Variants in MTURN observed in about 807,000 individuals in gnomAD.
MTURN encodes maturin.
Under a neutral mutation model 14.9 loss-of-function variants are expected in MTURN, and 7 were observed. The observed-to-expected ratio is 0.47, with a 90% CI of 0.27 to 0.88. The LOEUF is 0.88. Ranked by LOEUF, MTURN falls within the 40% of genes least tolerant of loss-of-function variation. The probability of loss-of-function intolerance (pLI) is 0.14; values close to 1 mark genes in which losing one functional copy is unlikely to be tolerated. For synonymous variants in MTURN, 69 were observed against 72.5 expected, an observed-to-expected ratio of 0.95 and a Z score of 0.25; for missense variants, 151 against 174.1, an observed-to-expected ratio of 0.87 and a Z score of 0.75.
At chr7:30,157,335 TG>T in intron 2 of MTURN, 102 bp from the exon 3 acceptor site, 1 of 832,996 alleles carries the variant, frequency 1.2e-6, no homozygotes, top group Non-Finnish European at 1.7e-6. Context: ...CTGCAGCTGC[TG>T]GGTTAAGTAC....
rs1489625553 is a variant in MTURN at position 30,161,046 on chromosome 7, A to G, written c.*3498A>G. On this transcript the variant is annotated 3_prime_UTR_variant, in exon 3 of 3. Transcript: ENST00000324453. The stretch of plus-strand genomic sequence containing the variant: ...ACAGAAACCGTCTCTAGCACAATAT[A>G]TTTCTGAATATTGTTTCTGTTTCAT... 1 of 152,510 alleles carries G rather than the reference A, an allele frequency of 6.6e-6. No individual in the cohort carries two copies. Among genetic ancestry groups the G allele is most frequent in the Non-Finnish European group, 1.5e-5 (1 of 68,012 alleles). The allele number at this position is 152,510 out of a possible 1,614,324, so 9.4% of individuals were successfully genotyped here.
rs1336186790 is a variant in MTURN at position 30,160,189 on chromosome 7, C to G, written c.*2641C>G. The G allele has an allele frequency of 6.6e-6, 1 of 152,348 alleles. No individual in the cohort carries two copies. The highest frequency in any genetic ancestry group is 1.5e-5 in the Non-Finnish European group (1 of 68,192). 9.4% of individuals were successfully genotyped at this position (152,348 alleles called of 1,614,324 possible). A position where few individuals can be genotyped will look rare whatever the true frequency, so the allele number is the denominator to read the frequency against. ...ACAGTCAAGGAAACTTTTAGGGATT[C>G]GAGAAGAAAATACATGTGGGATCTT... On this transcript the variant is annotated 3_prime_UTR_variant, in exon 3 of 3. Coordinates refer to ENST00000324453, the MANE Select transcript of MTURN (RefSeq NM_152793.3).
At chr7:30,154,195 A>C (rs1157221552) in intron 2 of MTURN, among the ~76,000 whole-genome samples, 8 of 152,082 alleles carry the variant, frequency 5.3e-5, no homozygotes, top group Non-Finnish European at 1.2e-4. Flanking sequence ...CAGGCTGGAC[A>C]GAAGAACCAC....
At chr7:30,154,338 G>A (rs1481329970) in intron 2 of MTURN, among the ~76,000 whole-genome samples, 1 of 152,168 alleles carries the variant, frequency 6.6e-6, no homozygotes, top group African/African-American at 2.4e-5. Context: ...CCAGAACTCA[G>A]GGCCGATTTT....
rs1370249866 is a variant in MTURN, at chr7:30,159,528, C to G, written c.*1980C>G. The G allele has an allele frequency of 1.3e-5, 2 of 152,460 alleles. No homozygotes were observed. The highest frequency in any genetic ancestry group is 4.8e-5 in the African/African-American group (2 of 41,378). 9.4% of individuals were successfully genotyped at this position (152,460 alleles called of 1,614,324 possible). A position where few individuals can be genotyped will look rare whatever the true frequency, so the allele number is the denominator to read the frequency against. On this transcript the variant is annotated 3_prime_UTR_variant, in exon 3 of 3. Transcript: ENST00000324453. ...GACATTAACATAAAATGTATTTTAT[C>G]AAAAAAGTGTTTAGACTTTGACCAA...
At position 30,162,065 on chromosome 7, in the gene MTURN, G is replaced by C. The variant is rs962332104; in HGVS notation, c.*4517G>C. 6.6e-6 allele frequency: 1 copy of C among 151,942 alleles called. No homozygotes were observed. Among genetic ancestry groups the C allele is most frequent in the African/African-American group, 2.4e-5 (1 of 41,370 alleles). 9.4% of individuals were successfully genotyped at this position (151,942 alleles called of 1,614,324 possible). A position where few individuals can be genotyped will look rare whatever the true frequency, so the allele number is the denominator to read the frequency against. On this transcript the variant is annotated 3_prime_UTR_variant, in exon 3 of 3. Coordinates refer to ENST00000324453, the MANE Select transcript of MTURN (RefSeq NM_152793.3). ...TGGATTACGAAAATATAGTACCCAT[G>C]AGCATTTCATGTTAGAAACCCCATT...
chr7:30,136,139 T>C (rs1404023421), intron 1 of MTURN, among the ~76,000 whole-genome samples: 1 of 152,096 alleles, frequency 6.6e-6, no homozygotes, highest in African/African-American at 2.4e-5. Flanking sequence ...GCCCTGGCCC[T>C]GCTGAAGCCC....
At chr7:30,142,643 TGA>T in intron 1 of MTURN, among the ~76,000 whole-genome samples, 1 of 152,254 alleles carries the variant, frequency 6.6e-6, no homozygotes, top group Admixed American at 6.5e-5. Context: ...TGTGTTTGAG[TGA>T]TACACTTTTC....
chr7:30,156,817 C>G (rs1797295241), intron 2 of MTURN, among the ~76,000 whole-genome samples: 1 of 148,396 alleles, frequency 6.7e-6, no homozygotes, highest in African/African-American at 2.5e-5. Context: ...GAGCGAGACT[C>G]CCTCTCAAAA....
Position 30,139,218 on chromosome 7 carries a change from G to T in MTURN, c.162+3920G>T, listed in dbSNP as rs144283531. ...CAAATGTCAAGAATTCAGTTTCAAA[G>T]AATAATAATAATAGCCATCACTTAT... On this transcript the variant is annotated intron_variant, in intron 1 of 2. Transcript: ENST00000324453. Among the ~76,000 whole-genome samples, 176 of 152,250 alleles carry T rather than the reference G, an allele frequency of 1.2e-3. 1 individual carries two copies. The highest frequency in any genetic ancestry group is 4.1e-3 in the African/African-American group (171 of 41,534).
rs1419253982 is a variant in MTURN at position 30,158,761 on chromosome 7, T to C, written c.*1213T>C. On this transcript the variant is annotated 3_prime_UTR_variant, in exon 3 of 3. Transcript: ENST00000324453. ...AACAATTACTTACTGGGGACATCCT[T>C]TGTAATGCTAACATGGAATTATTCC... 3 of 152,190 alleles carry C rather than the reference T, an allele frequency of 2.0e-5. No homozygotes were observed. 9.4% of individuals were successfully genotyped at this position (152,190 alleles called of 1,614,324 possible). A position where few individuals can be genotyped will look rare whatever the true frequency, so the allele number is the denominator to read the frequency against.
chr7:30,148,602 C>T (rs917080281), intron 2 of MTURN, among the ~76,000 whole-genome samples: 2 of 152,064 alleles, frequency 1.3e-5, no homozygotes, highest in East Asian at 1.9e-4. Context: ...ACGGCAGAGG[C>T]GGGGTGAGGG....
chr7:30,139,026 T>C (rs1395251258), intron 1 of MTURN, among the ~76,000 whole-genome samples: 3 of 152,200 alleles, frequency 2.0e-5, no homozygotes, highest in Non-Finnish European at 4.4e-5. Flanking sequence ...CTTGGCATTC[T>C]CTTTTTGGTT....
At position 30,137,575 on chromosome 7, in the gene MTURN, G is replaced by T. The variant is rs1418277229; in HGVS notation, c.162+2277G>T. 3.2e-5 allele frequency: 15 copies of T among 471,042 alleles called. No individual in the cohort carries two copies. The Middle Eastern group carries it at 4.9e-3, about 153-fold the overall frequency. 29.2% of individuals were successfully genotyped at this position (471,042 alleles called of 1,614,324 possible). A position where few individuals can be genotyped will look rare whatever the true frequency, so the allele number is the denominator to read the frequency against. On this transcript the variant is annotated intron_variant, in intron 1 of 2. Transcript: ENST00000324453. ...AATAGATAGAAAGATAGAGGATGGG[G>T]GTGGGCAGATGATTCCTTGGGTAGA...
At chr7:30,155,626 C>G (rs534976529) in intron 2 of MTURN, among the ~76,000 whole-genome samples, 102 of 152,352 alleles carry the variant, frequency 6.7e-4, no homozygotes, top group African/African-American at 2.4e-3. Context: ...CGCAGAGTCT[C>G]TGAGGCAGCT....
intron 2 of MTURN, among the ~76,000 whole-genome samples, chr7:30,155,504 G>A (rs1466214428): frequency 6.6e-6 from 1 of 152,114 alleles, no homozygotes; most frequent in Admixed American, 6.5e-5. Context: ...ACTAAAATCT[G>A]CAAGGGAGAC....
At chr7:30,148,209 A>G (rs937160306) in intron 2 of MTURN, among the ~76,000 whole-genome samples, 5 of 152,264 alleles carry the variant, frequency 3.3e-5, no homozygotes, top group Admixed American at 3.3e-4. Flanking sequence ...ACATTTGAGG[A>G]AAAACTTAGA....
At chr7:30,137,859 A>G (rs1279895396) in intron 1 of MTURN, among the ~76,000 whole-genome samples, 1 of 151,958 alleles carries the variant, frequency 6.6e-6, no homozygotes, top group African/African-American at 2.4e-5. Context: ...CTCAATTTAC[A>G]AAAGTATTTC....
intron 2 of MTURN, among the ~76,000 whole-genome samples, chr7:30,147,961 G>A (rs1797152629): frequency 6.6e-6 from 1 of 152,210 alleles, no homozygotes; most frequent in South Asian, 2.1e-4. Flanking sequence ...CTGGGTACAT[G>A]GCACTGTGTA....
Sources: allele counts gnomAD v4.1 joint callset (sites outside exome capture counted in the v4.1 genomes callset), GRCh38; gene constraint gnomAD v4.1.1; transcripts MANE v1.5; gene names NCBI Gene and HGNC (gene_info 2026-07-23, HGNC 2026-07-21).